Variants in DNAH14 observed in about 807,000 individuals in gnomAD.
DNAH14 encodes dynein axonemal heavy chain 14.
Under a neutral mutation model 520.9 loss-of-function variants are expected in DNAH14, and 478 were observed. The observed-to-expected ratio is 0.92, with a 90% CI of 0.85 to 0.99. The LOEUF (loss-of-function observed/expected upper bound fraction) is 0.99, where lower values mean the gene tolerates loss of function less well. DNAH14 is among the 50% of genes least tolerant of loss of function. The pLI, the probability that DNAH14 is intolerant of heterozygous loss-of-function variation, is 0.00. For synonymous variants in DNAH14, 1,581 were observed against 1,757.2 expected (o/e 0.90, Z 2.51); for missense variants, 4,831 against 5,234.5 (o/e 0.92, Z 2.38).
In DNAH14 at chr1:225,206,998, GT is replaced by G; in HGVS notation, c.6219del (p.Lys2074SerfsTer5). ...DPVDLGWEPY[V>X]KSWLLKTSKI... ...TGTTGATCTGGGATGGGAACCTTAT[GT>G]TAAGTCATGGCTTCTGAAAACTTCT... On this transcript the variant is annotated frameshift_variant, in exon 41 of 86. Transcript: ENST00000682510. LOFTEE classifies it high-confidence loss of function. The G allele has an allele frequency of 6.5e-7, 1 of 1,534,440 alleles. No individual in the cohort carries two copies. Among genetic ancestry groups the G allele is most frequent in the Non-Finnish European group, 8.8e-7 (1 of 1,139,764 alleles).
At position 225,159,365 on chromosome 1, in the gene DNAH14, G is replaced by A. The variant is rs1345509704; in HGVS notation, c.5325G>A (p.Glu1775=). ...SEADETLIVI[E]AIREASLPKC... is the part of the protein sequence containing the mutation. The stretch of plus-strand genomic sequence containing the variant: ...CAGATGAAACCTTGATTGTTATCGA[G>A]GCTATAAGAGAAGCTAGTTTGCCAA... Residue 1775 remains glutamate, a synonymous_variant, in exon 35 of 86, where the codon GAG becomes GAA. Transcript: ENST00000682510. The A allele has an allele frequency of 7.7e-6, 12 of 1,551,552 alleles. No homozygotes were observed. The highest frequency in any genetic ancestry group is 1.2e-5 in the South Asian group (1 of 83,920).
chr1:225,005,368 A>C (rs2064088226), intron 9 of DNAH14, among the ~76,000 whole-genome samples: 1 of 152,216 alleles, frequency 6.6e-6, no homozygotes, highest in African/African-American at 2.4e-5. Context: ...CTTTTAAAGA[A>C]CAACTATTCA....
Position 225,042,983 on chromosome 1 carries a change from A to G in DNAH14, c.1637A>G (p.Glu546Gly), listed in dbSNP as rs2067612153. 6.4e-7 allele frequency: 1 copy of G among 1,551,862 alleles called. No individual in the cohort carries two copies. ...CATGAGTCTGACCAGTGCCCTGAAGAGTGTGTGATGTTTGAAGATGAAATG... is the reference window on the plus strand; with the variant it reads ...CATGAGTCTGACCAGTGCCCTGAAGGGTGTGTGATGTTTGAAGATGAAATG... The part of the protein sequence containing the change: ...NFHESDQCPE[E>G]CVMFEDEMSE... Residue 546 changes from glutamate to glycine, a missense_variant, in exon 13 of 86, where the codon GAG (glutamate) becomes GGG (glycine). By Grantham distance (98) the Glu-to-Gly change is moderately conservative (BLOSUM62 -2). Coordinates refer to ENST00000682510, the MANE Select transcript of DNAH14 (RefSeq NM_001367479.1).
chr1:225,203,045 T>G (rs1265639862), intron 38 of DNAH14, among the ~76,000 whole-genome samples: 1 of 152,166 alleles, frequency 6.6e-6, no homozygotes, highest in Non-Finnish European at 1.5e-5. Context: ...ACACTCTCAG[T>G]ATTTCGGCTG....
At chr1:225,358,255 G>A (rs1208706324) in intron 73 of DNAH14, among the ~76,000 whole-genome samples, 1 of 152,304 alleles carries the variant, frequency 6.6e-6, no homozygotes, top group East Asian at 1.9e-4. Context: ...CTCACTCAGA[G>A]TGTGAAAGAC....
At chr1:225,284,394 C>A (rs578043927) in intron 54 of DNAH14, among the ~76,000 whole-genome samples, 1 of 152,024 alleles carries the variant, frequency 6.6e-6, no homozygotes, top group African/African-American at 2.4e-5. Flanking sequence ...CATAGTAGAT[C>A]ACTTAGATAA....
rs1266766722 is a variant in DNAH14 at position 225,331,484 on chromosome 1, T to C, written c.9771T>C (p.Val3257=). ...TACAGGCAGCTTACAAAGATACCGT[T>C]GCTGAAAAACAACTATTAGCAAATC... ...LFLQAAYKDT[V]AEKQLLANRK... The change falls in exon 65 of 86, where the codon GTT becomes GTC. Residue 3257 remains valine (V), a synonymous_variant. Transcript: ENST00000682510. 6.4e-7 allele frequency: 1 copy of C among 1,551,482 alleles called. No homozygotes were observed. Among genetic ancestry groups the C allele is most frequent in the African/African-American group, 1.4e-5 (1 of 73,042 alleles).
chr1:225,044,770 T>C (rs1023902517), intron 15 of DNAH14, among the ~76,000 whole-genome samples: 16 of 152,196 alleles, frequency 1.1e-4, no homozygotes, highest in African/African-American at 3.9e-4. Context: ...AAAGTTGTTA[T>C]AATTTTTTAC....
chr1:225,124,752 A>G (rs191099720), intron 27 of DNAH14, among the ~76,000 whole-genome samples: 30 of 152,280 alleles, frequency 2.0e-4, no homozygotes, highest in Non-Finnish European at 2.8e-4. Flanking sequence ...TTCCATGAAT[A>G]TGAATATTCT....
intron 54 of DNAH14, among the ~76,000 whole-genome samples, chr1:225,278,401 A>T (rs1023324892): frequency 6.6e-6 from 1 of 152,148 alleles, no homozygotes; most frequent in Non-Finnish European, 1.5e-5. Flanking sequence ...TCAAACCTGC[A>T]TATTTCTCTG....
At chr1:225,038,256 T>G (rs2067148362) in intron 11 of DNAH14, among the ~76,000 whole-genome samples, 1 of 152,122 alleles carries the variant, frequency 6.6e-6, no homozygotes, top group Non-Finnish European at 1.5e-5. Flanking sequence ...TTTTCTTCTG[T>G]ACTTTATTTA....
At chr1:225,057,304 G>A (rs1309822349) in intron 17 of DNAH14, among the ~76,000 whole-genome samples, 2 of 152,150 alleles carry the variant, frequency 1.3e-5, no homozygotes, top group Non-Finnish European at 2.9e-5. Context: ...ATTGTGAATG[G>A]AAGTTCGCTC....
intron 56 of DNAH14, among the ~76,000 whole-genome samples, chr1:225,302,374 GA>G (rs1015897127): frequency 4.0e-5 from 6 of 151,794 alleles, no homozygotes; most frequent in South Asian, 2.1e-4. Context: ...CAAAAAAAAG[GA>G]AAAAAAATCT....
At chr1:225,081,904 A>G (rs2148586874) in intron 19 of DNAH14, among the ~76,000 whole-genome samples, 1 of 152,254 alleles carries the variant, frequency 6.6e-6, no homozygotes, top group African/African-American at 2.4e-5. Context: ...TTGGTGTTAA[A>G]GTATTTTTTA....
At chr1:225,045,129 G>A (rs2067833849) in intron 15 of DNAH14, among the ~76,000 whole-genome samples, 1 of 152,002 alleles carries the variant, frequency 6.6e-6, no homozygotes, top group South Asian at 2.1e-4. Flanking sequence ...TCTTCAGTCT[G>A]AAGAACTAAG....
intron 69 of DNAH14, 89 bp from the exon 70 acceptor site, chr1:225,345,870 TACA>T: frequency 1.8e-6 from 2 of 1,115,884 alleles, no homozygotes; most frequent in South Asian, 3.4e-5. Flanking sequence ...AAGCCAACAG[TACA>T]AACCCTTACA....
intron 3 of DNAH14, among the ~76,000 whole-genome samples, chr1:224,956,133 T>C (rs2125526376): frequency 6.6e-6 from 1 of 152,282 alleles, no homozygotes; most frequent in African/African-American, 2.4e-5. Flanking sequence ...CTCACCTGGC[T>C]TTCTTTATAC....
intron 35 of DNAH14, among the ~76,000 whole-genome samples, chr1:225,164,361 T>C: frequency 6.6e-6 from 1 of 152,162 alleles, no homozygotes; most frequent in East Asian, 1.9e-4. Flanking sequence ...AAGTTCTTTT[T>C]CCATCCTTTT....
intron 8 of DNAH14, among the ~76,000 whole-genome samples, chr1:224,987,427 A>G (rs1039773802): frequency 6.6e-6 from 1 of 152,218 alleles, no homozygotes; most frequent in Admixed American, 6.5e-5. Flanking sequence ...GTATTGCTAT[A>G]GCAAATACTA....
Sources: allele counts gnomAD v4.1 joint callset (sites outside exome capture counted in the v4.1 genomes callset), GRCh38; gene constraint gnomAD v4.1.1; transcripts MANE v1.5; gene names NCBI Gene and HGNC (gene_info 2026-07-23, HGNC 2026-07-21).